NFIA: variants seen among roughly 807,000 people sequenced by gnomAD.
NFIA encodes the protein nuclear factor 1 A-type.
NFIA carries 8 observed loss-of-function variants against 62.8 expected under a neutral mutation model. The ratio of observed to expected loss-of-function variants is 0.13; its 90% confidence interval spans 0.07 to 0.23. The LOEUF (loss-of-function observed/expected upper bound fraction) is 0.23. NFIA is among the 10% of genes least tolerant of loss of function. NFIA has a pLI of 1.00. For synonymous variants in NFIA, 235 were observed against 238.1 expected (o/e 0.99, Z 0.12); for missense variants, 410 against 642.1 (o/e 0.64, Z 3.91).
At chr1:61,432,676 TAC>T (rs1442400921) in intron 10 of NFIA, among the ~76,000 whole-genome samples, 1 of 150,892 alleles carries the variant, frequency 6.6e-6, no homozygotes, top group Non-Finnish European at 1.5e-5. Context: ...GAGATATATA[TAC>T]ACATGTATAT....
Position 61,458,725 on chromosome 1 carries a change from A to AT in NFIA, c.*3412dup, listed in dbSNP as rs1416025173. The AT allele has an allele frequency of 3.8e-4, 34 of 88,378 alleles. 1 individual carries two copies. The highest frequency in any genetic ancestry group is 1.3e-3 in the African/African-American group (34 of 25,700). The allele number at this position is 88,378 out of a possible 1,614,324, so 5.5% of individuals were successfully genotyped here. On this transcript the variant is annotated 3_prime_UTR_variant, in exon 11 of 11. Transcript: ENST00000403491. ...TTTTTGTAAGTATTTAAATACAATT[A>AT]TTTTTTTCTCTCAATGGTATAGCAT...
At chr1:61,190,828 C>A (rs547041278) in intron 2 of NFIA, among the ~76,000 whole-genome samples, 168 of 152,316 alleles carry the variant, frequency 1.1e-3, no homozygotes, top group African/African-American at 4.0e-3. Flanking sequence ...ACACCAACTT[C>A]TTTTCTTCCT....
intron 10 of NFIA, among the ~76,000 whole-genome samples, chr1:61,442,291 T>G (rs1046095065): frequency 2.6e-5 from 4 of 152,194 alleles, no homozygotes; most frequent in African/African-American, 9.6e-5. Flanking sequence ...GCTTCCAAAG[T>G]TGGTGCCCTC....
intron 2 of NFIA, among the ~76,000 whole-genome samples, chr1:61,187,195 G>A (rs145062981): frequency 7.9e-5 from 12 of 152,216 alleles, no homozygotes; most frequent in Non-Finnish European, 1.5e-4. Context: ...AATGTTCCCC[G>A]TAACTACTAC....
chr1:61,191,846 C>G (rs937501505), intron 2 of NFIA, among the ~76,000 whole-genome samples: 1 of 152,168 alleles, frequency 6.6e-6, no homozygotes, highest in African/African-American at 2.4e-5. Flanking sequence ...TCTTAACAGT[C>G]TTCTGAGTAC....
At chr1:61,380,611 A>G (rs1232638884) in intron 6 of NFIA, among the ~76,000 whole-genome samples, 1 of 152,202 alleles carries the variant, frequency 6.6e-6, no homozygotes, top group Non-Finnish European at 1.5e-5. Context: ...AAACAAATTA[A>G]CCAAAACATA....
chr1:61,164,617 G>A (rs1375031875), intron 2 of NFIA, among the ~76,000 whole-genome samples: 1 of 151,844 alleles, frequency 6.6e-6, no homozygotes, highest in East Asian at 1.9e-4. Context: ...CCGCCGCCAC[G>A]CCCGGCTAAT....
At chr1:61,123,773 G>A (rs1478331279) in intron 2 of NFIA, among the ~76,000 whole-genome samples, 3 of 152,210 alleles carry the variant, frequency 2.0e-5, no homozygotes, top group Non-Finnish European at 4.4e-5. Context: ...CATTGCATAT[G>A]ATATTTAATC....
Position 61,457,721 on chromosome 1 carries a change from T to A in NFIA, c.*2401T>A, listed in dbSNP as rs1668367766. On this transcript the variant is annotated 3_prime_UTR_variant, in exon 11 of 11. Coordinates refer to ENST00000403491, the MANE Select transcript of NFIA (RefSeq NM_001134673.4). The surrounding 1 kb of genome is among the most constrained non-coding windows in gnomAD (Gnocchi z 4.2). ...TTTGTACTTTTTTGTGATTTTTGAA[T>A]GCACGTGCGCAGGAAGGGCTCCTCT... is the stretch of plus-strand genomic sequence containing the variant. 1 of 152,142 alleles carries A rather than the reference T, an allele frequency of 6.6e-6. No individual in the cohort carries two copies. The highest frequency in any genetic ancestry group is 1.5e-5 in the Non-Finnish European group (1 of 68,024). The allele number at this position is 152,142 out of a possible 1,614,324, so 9.4% of individuals were successfully genotyped here.
intron 10 of NFIA, among the ~76,000 whole-genome samples, chr1:61,431,957 G>A (rs1203958455): frequency 1.3e-5 from 2 of 152,186 alleles, no homozygotes. Flanking sequence ...CACCTACAAA[G>A]TACAGGGAAT....
chr1:61,409,729 T>C (rs1569802243), intron 9 of NFIA, among the ~76,000 whole-genome samples: 2 of 152,130 alleles, frequency 1.3e-5, no homozygotes, highest in East Asian at 3.9e-4. Flanking sequence ...TTCCTACATA[T>C]GGTCCGCCCT....
At chr1:61,199,724 G>C (rs767129648) in intron 2 of NFIA, among the ~76,000 whole-genome samples, 3 of 151,956 alleles carry the variant, frequency 2.0e-5, no homozygotes, top group Non-Finnish European at 4.4e-5. Flanking sequence ...GCCAAGTACA[G>C]TGGCTCATGC....
In NFIA at chr1:61,423,749, A is replaced by T. The variant is rs72915743; in HGVS notation, c.1421-2716A>T. Among the ~76,000 whole-genome samples the T allele has an allele frequency of 9.3e-3, 1,411 of 152,276 alleles. 16 individuals are homozygous for T. The highest frequency in any genetic ancestry group is 0.032 in the African/African-American group (1,329 of 41,564). ...AATTCCCTTATCCAATTGTTTCTGT[A>T]GGAAAATCAAATTCAACTTATGTTA... is the stretch of plus-strand genomic sequence containing the variant. On this transcript the variant is annotated intron_variant, in intron 9 of 10. Coordinates refer to ENST00000403491, the MANE Select transcript of NFIA (RefSeq NM_001134673.4).
At chr1:61,106,617 A>G (rs1030064519) in intron 2 of NFIA, among the ~76,000 whole-genome samples, 3 of 151,882 alleles carry the variant, frequency 2.0e-5, no homozygotes, top group Non-Finnish European at 4.4e-5. Flanking sequence ...GCTGTAGAAT[A>G]TCGTGGAAAA....
chr1:61,178,110 C>T (rs564417173), intron 2 of NFIA, among the ~76,000 whole-genome samples: 1 of 152,264 alleles, frequency 6.6e-6, no homozygotes, highest in East Asian at 1.9e-4. Flanking sequence ...TAGAGGATGG[C>T]TTTGCACTTT....
intron 7 of NFIA, among the ~76,000 whole-genome samples, chr1:61,398,365 C>T (rs770509236): frequency 1.1e-4 from 17 of 152,124 alleles, no homozygotes; most frequent in Non-Finnish European, 1.6e-4. Flanking sequence ...AGACTTTGGC[C>T]TTCTGTTTTC....
Position 61,347,704 on chromosome 1 carries a change from G to A in NFIA, c.701-4746G>A, listed in dbSNP as rs980773912. ...TTTTCCTATGAAATTTAGCATGTTC[G>A]GCATTGCATTAGATATTCAGGTATT... On this transcript the variant is annotated intron_variant, in intron 4 of 10. Coordinates refer to ENST00000403491, the MANE Select transcript of NFIA (RefSeq NM_001134673.4). 2.0e-5 allele frequency among the ~76,000 whole-genome samples: 3 copies of A among 152,062 alleles called. No homozygotes were observed. In the East Asian group the frequency reaches 5.8e-4, roughly 29 times the overall value.
intron 2 of NFIA, among the ~76,000 whole-genome samples, chr1:61,175,878 A>G (rs184333164): frequency 2.6e-5 from 4 of 152,364 alleles, no homozygotes; most frequent in African/African-American, 7.2e-5. Flanking sequence ...TAGTCATGCC[A>G]TCACGAAGCT....
At chr1:61,172,262 C>A (rs931994168) in intron 2 of NFIA, among the ~76,000 whole-genome samples, 1 of 152,012 alleles carries the variant, frequency 6.6e-6, no homozygotes, top group Non-Finnish European at 1.5e-5. Flanking sequence ...CAAATGGTCA[C>A]AGAAGCAGAG....
Sources: allele counts gnomAD v4.1 joint callset (sites outside exome capture counted in the v4.1 genomes callset), GRCh38; gene constraint gnomAD v4.1.1; non-coding constraint Gnocchi (gnomAD v3.1); transcripts MANE v1.5; gene names NCBI Gene and HGNC (gene_info 2026-07-23, HGNC 2026-07-21).